The following NETO2 variants were observed in gnomAD, a reference collection of about 807,000 sequenced individuals.
NETO2 encodes the protein neuropilin and tolloid-like protein 2.
Under a neutral mutation model 62.5 loss-of-function variants are expected in NETO2, and 28 were observed. The observed-to-expected ratio is 0.45, with a 90% CI of 0.33 to 0.61. The LOEUF (loss-of-function observed/expected upper bound fraction) is 0.61, where lower values mean the gene tolerates loss of function less well. Ranked by LOEUF, NETO2 falls within the 20% of genes least tolerant of loss-of-function variation. The pLI is 0.02. For missense variants in NETO2, 548 were observed against 643.2 expected (o/e 0.85, Z 1.60); for synonymous variants, 214 against 219.1 (o/e 0.98, Z 0.21).
intron 6 of NETO2, among the ~76,000 whole-genome samples, chr16:47,119,877 T>C (rs1433226718): frequency 1.3e-5 from 2 of 152,242 alleles, no homozygotes; most frequent in African/African-American, 2.4e-5. Context: ...TGCATATATG[T>C]TCAGACTTCC....
chr16:47,121,999 T>G (rs1964049231), intron 6 of NETO2, among the ~76,000 whole-genome samples: 2 of 152,226 alleles, frequency 1.3e-5, no homozygotes, highest in Non-Finnish European at 2.9e-5. Context: ...CTGATTTTCA[T>G]GATTCTTGAG....
chr16:47,136,219 T>C (rs755773018), intron 1 of NETO2, among the ~76,000 whole-genome samples: 25 of 152,148 alleles, frequency 1.6e-4, no homozygotes, highest in Non-Finnish European at 2.5e-4. Context: ...TTAAAAAATG[T>C]AGCAATGACA....
chr16:47,121,020 A>G (rs1017474147), intron 6 of NETO2, among the ~76,000 whole-genome samples: 2 of 152,196 alleles, frequency 1.3e-5, no homozygotes, highest in African/African-American at 4.8e-5. Context: ...ACTACAGAGT[A>G]TCAGTTATGG....
intron 7 of NETO2, among the ~76,000 whole-genome samples, chr16:47,109,198 T>G (rs1963736809): frequency 6.6e-6 from 1 of 152,120 alleles, no homozygotes; most frequent in African/African-American, 2.4e-5. Flanking sequence ...CCTGGTATAG[T>G]GCCGTGTGCC....
chr16:47,101,629 C>T (rs187522361), intron 7 of NETO2, among the ~76,000 whole-genome samples: 61 of 152,220 alleles, frequency 4.0e-4, no homozygotes, highest in African/African-American at 1.3e-3. Context: ...ACAAGGATTC[C>T]TATACACCAA....
chr16:47,126,576 A>ACTCACAGAGCACACCCTACTGCG (rs2151488733), intron 4 of NETO2, among the ~76,000 whole-genome samples: 1 of 152,168 alleles, frequency 6.6e-6, no homozygotes, highest in Non-Finnish European at 1.5e-5. Flanking sequence ...ATTTGTCAAA[A>ACTCACAGAGCACACCCTACTGCG]CTCACAGAGC....
intron 2 of NETO2, among the ~76,000 whole-genome samples, chr16:47,130,276 G>C: frequency 6.6e-6 from 1 of 152,144 alleles, no homozygotes; most frequent in African/African-American, 2.4e-5. Context: ...CCCTAGGAAA[G>C]GCTTGATGCA....
rs951534212 is a variant in NETO2 at position 47,100,551 on chromosome 16, G to A, written c.883+8932C>T. Among the ~76,000 whole-genome samples, 13 of 151,846 alleles carry A rather than the reference G, an allele frequency of 8.6e-5. 1 individual carries two copies. Among genetic ancestry groups the A allele is most frequent in the Admixed American group, 5.3e-4 (8 of 15,236 alleles). On this transcript the variant is annotated intron_variant, in intron 7 of 8. Coordinates refer to ENST00000562435, the MANE Select transcript of NETO2 (RefSeq NM_018092.5). ...AAAAGATTAACAAAATAGATAGACC[G>A]CTAGTCAGACTAATAAAGAAGAAAA...
chr16:47,084,879 T>C (rs763444303), intron 8 of NETO2, among the ~76,000 whole-genome samples: 5 of 152,186 alleles, frequency 3.3e-5, no homozygotes, highest in Non-Finnish European at 7.3e-5. Flanking sequence ...AGTTGTATGA[T>C]TATTTTATTA....
At chr16:47,141,381 G>C (rs181280677) in intron 1 of NETO2, among the ~76,000 whole-genome samples, 134 of 152,100 alleles carry the variant, frequency 8.8e-4, no homozygotes, top group Middle Eastern at 6.8e-3. Context: ...AGTTTGTAAT[G>C]GGAAAGGCCA....
chr16:47,114,815 G>A (rs1045702530), intron 6 of NETO2, among the ~76,000 whole-genome samples: 1 of 152,164 alleles, frequency 6.6e-6, no homozygotes, highest in East Asian at 1.9e-4. Flanking sequence ...AACCCAGTAA[G>A]ATTCTTTTCA....
At chr16:47,122,614 A>AT in intron 6 of NETO2, 43 bp downstream of exon 6, 1 of 1,595,182 alleles carries the variant, frequency 6.3e-7, no homozygotes. Flanking sequence ...ATCATGCCTT[A>AT]TCATGATGTT....
At chr16:47,130,417 G>T (rs73536870) in intron 2 of NETO2, among the ~76,000 whole-genome samples, 1,872 of 151,626 alleles carry the variant, frequency 0.012, 35 homozygotes, top group African/African-American at 0.043. Context: ...AGGATCACCA[G>T]ACATTGGAGG....
intron 6 of NETO2, among the ~76,000 whole-genome samples, chr16:47,117,496 G>C (rs924458117): frequency 3.9e-5 from 6 of 152,048 alleles, no homozygotes; most frequent in Non-Finnish European, 7.4e-5. Context: ...TAACACAAAC[G>C]TTAGGCCCTT....
chr16:47,109,497 G>A lies in NETO2; in HGVS notation c.869C>T (p.Thr290Ile). ...SRLSRFRMLF[T>I]SFVEPPCTSS... ...TATTTACTTACGCTCCACAAAGGAA[G>A]TAAAGAGCATTCGAAACCTGCTAAG... The change falls in exon 7 of 9, where the codon ACT becomes ATT. Residue 290 changes from threonine (T) to isoleucine (I), a missense_variant. Physicochemically the swap from Thr to Ile is moderately conservative, Grantham distance 89. Transcript: ENST00000562435. The A allele has an allele frequency of 6.2e-7, 1 of 1,613,186 alleles. No homozygotes were observed. The highest frequency in any genetic ancestry group is 1.1e-5 in the South Asian group (1 of 91,042).
intron 7 of NETO2, among the ~76,000 whole-genome samples, chr16:47,097,729 G>T (rs1596709670): frequency 6.6e-6 from 1 of 152,218 alleles, no homozygotes; most frequent in South Asian, 2.1e-4. Context: ...TCCTGACTGG[G>T]AGATACCTCA....
chr16:47,083,485 G>C lies in NETO2; in HGVS notation c.1314C>G (p.His438Gln). Residue 438 changes from histidine (H) to glutamine (Q), a missense_variant, in exon 9 of 9, where the codon CAC becomes CAG. By Grantham distance (24) the His-to-Gln change is conservative (BLOSUM62 0). Transcript: ENST00000562435. ...SSTASRCIHD[H>Q]HCGSQASSVK... ...CGCTGGAGGCCTGCGACCCACAGTG[G>C]TGGTCGTGGATGCAGCGGGAGGCGG... is the stretch of plus-strand genomic sequence containing the variant. 2 of 1,614,240 alleles carry C rather than the reference G, an allele frequency of 1.2e-6. No individual in the cohort carries two copies. Among genetic ancestry groups the C allele is most frequent in the Non-Finnish European group, 1.7e-6 (2 of 1,180,050 alleles).
chr16:47,094,094 G>A (rs902471156), intron 7 of NETO2, among the ~76,000 whole-genome samples: 16 of 152,136 alleles, frequency 1.1e-4, no homozygotes, highest in African/African-American at 3.6e-4. Context: ...AGTTGGAAGA[G>A]GCTAACCAGC....
chr16:47,109,791 C>G, intron 6 of NETO2, 80 bp from the exon 7 acceptor site: 1 of 958,202 alleles, frequency 1.0e-6, no homozygotes. Context: ...CCACAGACAA[C>G]ATGGGACACC....
Sources: allele counts gnomAD v4.1 joint callset (sites outside exome capture counted in the v4.1 genomes callset), GRCh38; gene constraint gnomAD v4.1.1; transcripts MANE v1.5; gene names NCBI Gene and HGNC (gene_info 2026-07-23, HGNC 2026-07-21).